Variants in CADM2 observed in about 807,000 individuals in gnomAD.
CADM2 encodes the protein immunoglobulin superfamily member 4D.
A neutral mutation model predicts 49.8 loss-of-function variants in CADM2; 12 were observed. That is an observed-to-expected ratio of 0.24 (90% CI 0.15 to 0.39). The LOEUF (loss-of-function observed/expected upper bound fraction) is 0.39, where lower values mean the gene tolerates loss of function less well. Among genes scored for constraint, CADM2 ranks in the 10% least tolerant of loss-of-function variants. CADM2 has a pLI of 1.00. For missense variants in CADM2, 378 were observed against 492.3 expected, an observed-to-expected ratio of 0.77 and a Z score of 2.20; for synonymous variants, 214 against 175.4, an observed-to-expected ratio of 1.22 and a Z score of -1.74.
chr3:84,962,190 A>G (rs1160224062), intron 1 of CADM2, among the ~76,000 whole-genome samples: 1 of 151,982 alleles, frequency 6.6e-6, no homozygotes, highest in Admixed American at 6.6e-5. Context: ...AACCAGGGAA[A>G]GAGCACAAGT....
At chr3:85,086,566 C>T (rs77268312) in intron 1 of CADM2, among the ~76,000 whole-genome samples, 6,333 of 139,384 alleles carry the variant, frequency 0.045, 164 homozygotes, top group Middle Eastern at 0.052. Flanking sequence ...GGCTAGAGTG[C>T]GGTGGTGTGA....
At chr3:86,012,667 G>A in intron 8 of CADM2, 1 of 1,383,292 alleles carries the variant, frequency 7.2e-7, no homozygotes, top group Non-Finnish European at 1.0e-6. Context: ...AGTGGGTGGA[G>A]AATTGTAGGA....
At chr3:85,789,884 A>G (rs534276874) in intron 2 of CADM2, among the ~76,000 whole-genome samples, 1 of 152,212 alleles carries the variant, frequency 6.6e-6, no homozygotes, top group Non-Finnish European at 1.5e-5. Context: ...AGCTAAGAAT[A>G]GAAAGAATTG....
chr3:85,256,813 T>G (rs980388391), intron 1 of CADM2, among the ~76,000 whole-genome samples: 3 of 152,140 alleles, frequency 2.0e-5, no homozygotes, highest in Admixed American at 6.6e-5. Context: ...TTTACCACAA[T>G]GTACAAACAG....
At chr3:85,345,987 T>C (rs1244419834) in intron 1 of CADM2, among the ~76,000 whole-genome samples, 1 of 152,206 alleles carries the variant, frequency 6.6e-6, no homozygotes, top group Admixed American at 6.5e-5. Context: ...ATGTAAAATG[T>C]CCACAATTGG....
chr3:85,803,919 G>T (rs1448609), intron 3 of CADM2, among the ~76,000 whole-genome samples: 31,720 of 152,020 alleles, frequency 0.21, 3,854 homozygotes, highest in East Asian at 0.41. Flanking sequence ...CATATTGACA[G>T]TTAATATAAA....
chr3:85,942,285 A>T (rs529418294), intron 7 of CADM2, among the ~76,000 whole-genome samples: 6 of 151,684 alleles, frequency 4.0e-5, no homozygotes, highest in Admixed American at 6.6e-5. Context: ...ATGGACAAGA[A>T]CAACTGGTAC....
At chr3:85,927,914 T>G (rs939884917) in intron 6 of CADM2, among the ~76,000 whole-genome samples, 3 of 152,178 alleles carry the variant, frequency 2.0e-5, no homozygotes, top group Non-Finnish European at 4.4e-5. Flanking sequence ...ATGGATAAAT[T>G]TTGTTAAGCC....
At chr3:85,990,358 A>G (rs1217391306) in intron 8 of CADM2, among the ~76,000 whole-genome samples, 1 of 152,210 alleles carries the variant, frequency 6.6e-6, no homozygotes, top group East Asian at 1.9e-4. Flanking sequence ...TGTTTCAGGT[A>G]GGCTAGGCTA....
chr3:85,053,033 T>G (rs750554903), intron 1 of CADM2, among the ~76,000 whole-genome samples: 16 of 152,000 alleles, frequency 1.1e-4, no homozygotes, highest in Non-Finnish European at 2.1e-4. Flanking sequence ...ACAAATCACA[T>G]TTTTAAGATT....
intron 3 of CADM2, among the ~76,000 whole-genome samples, chr3:85,834,779 A>G (rs2074332902): frequency 6.6e-6 from 1 of 151,100 alleles, no homozygotes; most frequent in Non-Finnish European, 1.5e-5. Context: ...GCATAGTAAT[A>G]GAATAAGCAT....
intron 1 of CADM2, among the ~76,000 whole-genome samples, chr3:85,603,104 G>A (rs940282509): frequency 1.9e-4 from 29 of 151,810 alleles, no homozygotes; most frequent in African/African-American, 6.5e-4. Context: ...ATTTCTTAAT[G>A]TCAAGAACAG....
At chr3:86,046,321 A>G (rs1001705789) in intron 8 of CADM2, among the ~76,000 whole-genome samples, 3 of 152,170 alleles carry the variant, frequency 2.0e-5, no homozygotes, top group Non-Finnish European at 4.4e-5. Context: ...AAAAACACGT[A>G]GTATCTATAT....
chr3:85,659,369 G>A (rs991546283), intron 1 of CADM2, among the ~76,000 whole-genome samples: 2 of 151,634 alleles, frequency 1.3e-5, no homozygotes, highest in African/African-American at 4.8e-5. Context: ...TGCAGACTTT[G>A]TGTTAGTCAT....
intron 1 of CADM2, among the ~76,000 whole-genome samples, chr3:85,723,214 A>G (rs550593325): frequency 3.3e-5 from 5 of 152,196 alleles, no homozygotes; most frequent in Admixed American, 6.5e-5. Context: ...TAGTATGAAT[A>G]ATTGTGTTAT....
chr3:85,754,520 T>A (rs183342891), intron 2 of CADM2, among the ~76,000 whole-genome samples: 1 of 152,332 alleles, frequency 6.6e-6, no homozygotes, highest in East Asian at 1.9e-4. Context: ...TCTTCTATAA[T>A]GTACCCTAGT....
chr3:85,173,130 G>A (rs1015932281), intron 1 of CADM2, among the ~76,000 whole-genome samples: 10 of 150,902 alleles, frequency 6.6e-5, no homozygotes, highest in Non-Finnish European at 8.9e-5. Flanking sequence ...AAGTAGCTGG[G>A]ACTACAGGTG....
chr3:86,056,439 C>G (rs904624005), intron 8 of CADM2, among the ~76,000 whole-genome samples: 5 of 152,194 alleles, frequency 3.3e-5, no homozygotes, highest in African/African-American at 1.2e-4. Context: ...CAAGAACAAA[C>G]AGGGTATCTT....
chr3:85,991,646 A>G (rs1728780521), intron 8 of CADM2, among the ~76,000 whole-genome samples: 1 of 152,094 alleles, frequency 6.6e-6, no homozygotes. Flanking sequence ...CTCCAACTCT[A>G]AAATTATTAC....
Sources: gnomAD v4.1 joint callset for allele counts (sites outside exome capture counted in the v4.1 genomes callset) on GRCh38, gnomAD v4.1.1 for gene constraint, MANE v1.5 for transcripts, NCBI Gene and HGNC (gene_info 2026-07-23, HGNC 2026-07-21) for gene names.